NAV2: variants seen among roughly 807,000 people sequenced by gnomAD.
NAV2 encodes helicase, APC down-regulated 1.
A neutral mutation model predicts 223.2 loss-of-function variants in NAV2; 54 were observed. The observed-to-expected ratio is 0.24, with a 90% CI of 0.19 to 0.30. The LOEUF is 0.30. NAV2 is among the 10% of genes least tolerant of loss of function. The pLI is 1.00. For synonymous variants in NAV2, 1,279 were observed against 1,239.3 expected (o/e 1.03, Z -0.67); for missense variants, 2,806 against 3,147.5 (o/e 0.89, Z 2.60).
At chr11:19,659,928 A>T (rs961199185) in intron 1 of NAV2, among the ~76,000 whole-genome samples, 2 of 152,056 alleles carry the variant, frequency 1.3e-5, no homozygotes. Flanking sequence ...TAATACCTGA[A>T]CATAATGAGC....
At chr11:19,431,796 G>A (rs1590193171) in intron 1 of NAV2, among the ~76,000 whole-genome samples, 1 of 152,366 alleles carries the variant, frequency 6.6e-6, no homozygotes, top group East Asian at 1.9e-4. Flanking sequence ...ATAGGTGCAA[G>A]GTAGAGAGTG....
At chr11:19,562,272 A>G (rs921346952) in intron 1 of NAV2, among the ~76,000 whole-genome samples, 3 of 152,318 alleles carry the variant, frequency 2.0e-5, no homozygotes, top group Middle Eastern at 3.4e-3. Context: ...TGTGAGGTGG[A>G]TCATGACAGA....
chr11:19,901,791 G>A (rs1406680327), intron 6 of NAV2, among the ~76,000 whole-genome samples: 1 of 152,144 alleles, frequency 6.6e-6, no homozygotes, highest in Non-Finnish European at 1.5e-5. Context: ...TTTTGGCTTT[G>A]TGCTATTGCC....
At chr11:20,067,802 G>T (rs900962252) in intron 20 of NAV2, among the ~76,000 whole-genome samples, 9 of 151,536 alleles carry the variant, frequency 5.9e-5, no homozygotes, top group African/African-American at 2.2e-4. Context: ...AGACCTTTTT[G>T]TTTTTTTTAA....
In NAV2 at chr11:19,893,178, T is replaced by C. The variant is rs142538346; in HGVS notation, c.931+584T>C. Among the ~76,000 whole-genome samples, 212 of 152,040 alleles carry C rather than the reference T, an allele frequency of 1.4e-3. 3 individuals are homozygous for C. The highest frequency in any genetic ancestry group is 2.7e-3 in the Admixed American group (41 of 15,272). On this transcript the variant is annotated intron_variant, in intron 6 of 37. Transcript: ENST00000349880. ...TTTTTTACTATACACAGTACTGAGT[T>C]TTTAGGATGGAGAAAAATAGTGAAT...
chr11:19,883,218 C>T (rs2063330707), intron 5 of NAV2, among the ~76,000 whole-genome samples: 1 of 152,188 alleles, frequency 6.6e-6, no homozygotes, highest in African/African-American at 2.4e-5. Flanking sequence ...GCTTGGACAA[C>T]ATTCCATGAA....
rs576846980 is a variant in NAV2, at chr11:19,779,035, A to G, written c.268-53449A>G. On this transcript the variant is annotated intron_variant, in intron 1 of 37. Transcript: ENST00000349880. Reference sequence around the variant, plus strand: ...TTCTGGAGCTTGGTGGCAGGTGGCCATGGTAAGGGCTGGGATGTCTTCTCC... The same window carrying G: ...TTCTGGAGCTTGGTGGCAGGTGGCCGTGGTAAGGGCTGGGATGTCTTCTCC... 1.2e-4 allele frequency among the ~76,000 whole-genome samples: 19 copies of G among 152,300 alleles called. No individual in the cohort carries two copies. The East Asian group carries it at 3.1e-3, about 25-fold the overall frequency.
At chr11:19,477,095 G>A (rs56078248) in intron 1 of NAV2, among the ~76,000 whole-genome samples, 200 of 152,246 alleles carry the variant, frequency 1.3e-3, no homozygotes, top group African/African-American at 4.4e-3. Context: ...CCAGTCTTGG[G>A]TCAAGCGAAA....
intron 3 of NAV2, among the ~76,000 whole-genome samples, chr11:19,855,152 T>A (rs568981381): frequency 6.6e-6 from 1 of 152,280 alleles, no homozygotes; most frequent in African/African-American, 2.4e-5. Context: ...ATTAAAAAAA[T>A]AAAAATTAAC....
At chr11:19,404,863 C>CT (rs1200648487) in intron 1 of NAV2, among the ~76,000 whole-genome samples, 9 of 151,080 alleles carry the variant, frequency 6.0e-5, no homozygotes, top group Non-Finnish European at 8.8e-5. Flanking sequence ...GGTAAAACAA[C>CT]TTTTTTTTCT....
At chr11:19,402,816 T>C (rs139914502) in intron 1 of NAV2, among the ~76,000 whole-genome samples, 285 of 152,330 alleles carry the variant, frequency 1.9e-3, no homozygotes, top group African/African-American at 6.7e-3. Context: ...ACATTGTGGG[T>C]TCTCAACAAA....
intron 1 of NAV2, among the ~76,000 whole-genome samples, chr11:19,690,461 T>C (rs1473022146): frequency 2.0e-5 from 3 of 152,184 alleles, no homozygotes; most frequent in Non-Finnish European, 2.9e-5. Flanking sequence ...TATTAAAAAG[T>C]CATGGTGAGC....
chr11:19,504,855 G>A (rs1157660120), intron 1 of NAV2: 1 of 152,214 alleles, frequency 6.6e-6, no homozygotes, highest in Non-Finnish European at 1.5e-5. Flanking sequence ...AATGTTATTT[G>A]TAAAACTGGT....
intron 1 of NAV2, among the ~76,000 whole-genome samples, chr11:19,682,110 G>A (rs1025379249): frequency 2.0e-5 from 3 of 152,154 alleles, no homozygotes; most frequent in Middle Eastern, 3.4e-3. Flanking sequence ...CCCCTAGACA[G>A]CACCTTACCC....
intron 11 of NAV2, among the ~76,000 whole-genome samples, chr11:20,032,721 C>A (rs1446514901): frequency 6.6e-6 from 1 of 152,220 alleles, no homozygotes; most frequent in Non-Finnish European, 1.5e-5. Flanking sequence ...CTAGGTGAAA[C>A]AGGCACAGAA....
rs745623183 is a variant in NAV2 at position 20,114,733 on chromosome 11, A to G, written c.7102A>G (p.Met2368Val). ...GGATGTCGGCTTCGACGGCTACTCC[A>G]TGCCTCGGGAGGGATCGACAAGCAA... ...PEDVGFDGYSMPREGSTSKQM... is the reference protein window; with the variant it reads ...PEDVGFDGYSVPREGSTSKQM... The change falls in exon 37 of 38, where the codon ATG (methionine) becomes GTG (valine). Residue 2368 changes from methionine (M) to valine (V), a missense_variant. This residue lies in a region of NAV2 where 824 missense variants were observed against 1,069.4 expected (regional missense o/e 0.77). Transcript: ENST00000349880. 2.7e-5 allele frequency: 43 copies of G among 1,613,938 alleles called. No individual in the cohort carries two copies. The East Asian group carries it at 4.5e-4, about 17-fold the overall frequency.
At chr11:19,562,518 T>G (rs1590534926) in intron 1 of NAV2, among the ~76,000 whole-genome samples, 1 of 152,212 alleles carries the variant, frequency 6.6e-6, no homozygotes, top group East Asian at 1.9e-4. Flanking sequence ...CAGTTTCAAG[T>G]TTTGACAGCC....
At position 19,401,531 on chromosome 11, in the gene NAV2, G is replaced by A. The variant is rs1337809638; in HGVS notation, c.75+50504G>A. ...TTTATTTGGCCTTAGACATTAGAGC[G>A]AGACAGGGATATGTCTGGATCTTCA... On this transcript the variant is annotated intron_variant, in intron 1 of 37. Coordinates refer to the NAV2 transcript ENST00000360655. Among the ~76,000 whole-genome samples the A allele has an allele frequency of 3.9e-5, 6 of 152,176 alleles. No individual in the cohort carries two copies. In the East Asian group the frequency reaches 1.2e-3, roughly 29 times the overall value.
chr11:20,009,961 C>T (rs573628574), intron 11 of NAV2, among the ~76,000 whole-genome samples: 9 of 151,778 alleles, frequency 5.9e-5, no homozygotes, highest in African/African-American at 2.2e-4. Flanking sequence ...GTACCAAATA[C>T]ATCCTATTAT....
Sources: gnomAD v4.1 joint callset for allele counts (sites outside exome capture counted in the v4.1 genomes callset) on GRCh38, gnomAD v4.1.1 for gene constraint, gnomAD v4.1.1 regional missense constraint, MANE v1.5 for transcripts, NCBI Gene and HGNC (gene_info 2026-07-23, HGNC 2026-07-21) for gene names.